Variants in ARHGAP26 observed in about 807,000 individuals in gnomAD.
ARHGAP26 encodes Rho GTPase activating protein 26.
A neutral mutation model predicts 104.8 loss-of-function variants in ARHGAP26; 38 were observed. The ratio of observed to expected loss-of-function variants is 0.36; its 90% confidence interval spans 0.28 to 0.48. ARHGAP26 has a LOEUF of 0.48. ARHGAP26 is among the 20% of genes least tolerant of loss of function. The probability of loss-of-function intolerance (pLI) is 0.99; values close to 1 mark genes in which losing one functional copy is unlikely to be tolerated. For missense variants in ARHGAP26, 704 were observed against 947.9 expected (o/e 0.74, Z 3.38); for synonymous variants, 341 against 340.0 (o/e 1.00, Z -0.03).
rs574197348 is a variant in ARHGAP26 at position 143,163,413 on chromosome 5, T to G, written c.1988+16032T>G. Among the ~76,000 whole-genome samples, 3 of 151,838 alleles carry G rather than the reference T, an allele frequency of 2.0e-5. No homozygotes were observed. In the South Asian group the frequency reaches 6.2e-4, roughly 32 times the overall value. On this transcript the variant is annotated intron_variant, in intron 20 of 22. Transcript: ENST00000645722. ...TCTGCCTTGGTCTTATTGCTGTGAG[T>G]TGGGTAGAAGGAGTTCTAGGTTTGT...
At chr5:143,009,663 A>G (rs567018091) in intron 11 of ARHGAP26, among the ~76,000 whole-genome samples, 4 of 152,346 alleles carry the variant, frequency 2.6e-5, no homozygotes, top group Admixed American at 6.5e-5. Flanking sequence ...AAACACATGT[A>G]ATTTCTCTTC....
intron 20 of ARHGAP26, among the ~76,000 whole-genome samples, chr5:143,181,872 C>A (rs1804427379): frequency 6.6e-6 from 1 of 152,198 alleles, no homozygotes; most frequent in African/African-American, 2.4e-5. Context: ...TAGAGCTGCA[C>A]ATAGAATAAA....
chr5:142,913,123 T>G (rs1160733233), intron 9 of ARHGAP26, 76 bp from the exon 10 acceptor site: 1 of 1,228,988 alleles, frequency 8.1e-7, no homozygotes, highest in Non-Finnish European at 1.2e-6. Context: ...TGCTCCTGTT[T>G]ACATGTCATG....
At chr5:143,076,589 A>C (rs1466601573) in intron 17 of ARHGAP26, among the ~76,000 whole-genome samples, 1 of 152,124 alleles carries the variant, frequency 6.6e-6, no homozygotes, top group Non-Finnish European at 1.5e-5. Context: ...CTTTTGGCAC[A>C]CCCTGTTCAG....
At chr5:142,963,200 G>GTATATATATATA (rs1409082862) in intron 11 of ARHGAP26, among the ~76,000 whole-genome samples, 2 of 92,594 alleles carry the variant, frequency 2.2e-5, no homozygotes, top group African/African-American at 5.2e-5. Flanking sequence ...ATATATATAT[G>GTATATATATATA]TGTGTGTGTG....
intron 1 of ARHGAP26, among the ~76,000 whole-genome samples, chr5:142,823,764 G>C (rs1388720727): frequency 2.6e-5 from 4 of 152,150 alleles, no homozygotes; most frequent in Non-Finnish European, 5.9e-5. Flanking sequence ...GTATTTGATG[G>C]CAATAATTGC....
At chr5:143,077,608 C>T (rs925437333) in intron 17 of ARHGAP26, among the ~76,000 whole-genome samples, 3 of 152,184 alleles carry the variant, frequency 2.0e-5, no homozygotes, top group African/African-American at 7.2e-5. Context: ...GACTAGGGCT[C>T]CTGGCTTAAG....
intron 1 of ARHGAP26, among the ~76,000 whole-genome samples, chr5:142,809,992 A>G (rs970147507): frequency 1.3e-5 from 2 of 152,180 alleles, no homozygotes; most frequent in African/African-American, 4.8e-5. Flanking sequence ...ATAAGATGCC[A>G]TGAATTTGCG....
chr5:142,806,182 T>A (rs1762953692), intron 1 of ARHGAP26, among the ~76,000 whole-genome samples: 1 of 152,222 alleles, frequency 6.6e-6, no homozygotes, highest in South Asian at 2.1e-4. Flanking sequence ...AGCCTTGACC[T>A]TCTGAGCTCA....
At chr5:143,209,971 C>T (rs1466377457) in intron 21 of ARHGAP26, among the ~76,000 whole-genome samples, 2 of 152,168 alleles carry the variant, frequency 1.3e-5, no homozygotes, top group Non-Finnish European at 2.9e-5. Flanking sequence ...CCCTCAAATC[C>T]ACTTCCAGAG....
intron 1 of ARHGAP26, among the ~76,000 whole-genome samples, chr5:142,834,447 A>G (rs1414842034): frequency 6.6e-6 from 1 of 152,256 alleles, no homozygotes; most frequent in Admixed American, 6.5e-5. Context: ...GCCCTAGCTA[A>G]TCTACCTGTA....
chr5:142,952,978 G>A (rs549443109), intron 11 of ARHGAP26, among the ~76,000 whole-genome samples: 1 of 152,046 alleles, frequency 6.6e-6, no homozygotes, highest in African/African-American at 2.4e-5. Context: ...CAAAGTGCTG[G>A]GATTACAGGC....
intron 11 of ARHGAP26, among the ~76,000 whole-genome samples, chr5:142,955,277 G>A (rs549894590): frequency 1.3e-5 from 2 of 152,102 alleles, no homozygotes; most frequent in Non-Finnish European, 2.9e-5. Context: ...CTCCAGACTG[G>A]GCGACAGAGT....
chr5:142,964,551 C>A (rs933955558), intron 11 of ARHGAP26, among the ~76,000 whole-genome samples: 2,083 of 150,664 alleles, frequency 0.014, 55 homozygotes, highest in African/African-American at 0.048. Flanking sequence ...AAAACACACA[C>A]ACACACACAC....
intron 1 of ARHGAP26, among the ~76,000 whole-genome samples, chr5:142,833,065 T>A (rs1768819415): frequency 6.6e-6 from 1 of 152,134 alleles, no homozygotes; most frequent in African/African-American, 2.4e-5. Flanking sequence ...TTCTTTTTTT[T>A]TGTTTTTGAG....
At chr5:142,920,865 A>C (rs1397781260) in intron 10 of ARHGAP26, among the ~76,000 whole-genome samples, 1 of 152,350 alleles carries the variant, frequency 6.6e-6, no homozygotes, top group South Asian at 2.1e-4. Flanking sequence ...ACTGGGGGGA[A>C]AGTAACAAAC....
intron 10 of ARHGAP26, among the ~76,000 whole-genome samples, chr5:142,923,737 AC>A (rs1485081382): frequency 6.6e-6 from 1 of 152,068 alleles, no homozygotes; most frequent in Non-Finnish European, 1.5e-5. Context: ...GGTTGGTGAT[AC>A]CTACTTTTTA....
At chr5:143,201,779 G>C (rs2151316130) in intron 20 of ARHGAP26, among the ~76,000 whole-genome samples, 1 of 152,278 alleles carries the variant, frequency 6.6e-6, no homozygotes, top group East Asian at 1.9e-4. Context: ...CAGTCCTTCT[G>C]TTGCGACATG....
intron 21 of ARHGAP26, among the ~76,000 whole-genome samples, chr5:143,209,863 T>C (rs988218092): frequency 1.3e-5 from 2 of 151,814 alleles, no homozygotes; most frequent in East Asian, 1.9e-4. Context: ...GCTGAGGAGC[T>C]AGCCCATCAG....
Sources: gnomAD v4.1 joint callset for allele counts (sites outside exome capture counted in the v4.1 genomes callset) on GRCh38, gnomAD v4.1.1 for gene constraint, MANE v1.5 for transcripts, NCBI Gene and HGNC (gene_info 2026-07-23, HGNC 2026-07-21) for gene names.